The following CPNE4 variants were observed in gnomAD, a reference collection of about 807,000 sequenced individuals.
CPNE4 encodes the protein copine-4.
A neutral mutation model predicts 67.9 loss-of-function variants in CPNE4; 25 were observed. The observed-to-expected ratio is 0.37, with a 90% CI of 0.27 to 0.51. The LOEUF is 0.51. CPNE4 is among the 20% of genes least tolerant of loss of function. CPNE4 has a pLI of 0.93. For synonymous variants in CPNE4, 242 were observed against 244.9 expected (o/e 0.99, Z 0.11); for missense variants, 464 against 690.8 (o/e 0.67, Z 3.68).
intron 2 of CPNE4, among the ~76,000 whole-genome samples, chr3:131,774,407 C>A (rs1230334574): frequency 6.6e-6 from 1 of 151,848 alleles, no homozygotes; most frequent in African/African-American, 2.4e-5. Flanking sequence ...GTGCAGTGGC[C>A]ACCATCTTAC....
In CPNE4 at chr3:131,875,292, G is replaced by T. The variant is rs570276548; in HGVS notation, c.180+29972C>A. Reference sequence around the variant, plus strand: ...GCGATTCCTCAGGGATCTAGAACTAGAAATTCCATTTGACCCAGCCATCCC... The same window carrying T: ...GCGATTCCTCAGGGATCTAGAACTATAAATTCCATTTGACCCAGCCATCCC... On this transcript the variant is annotated intron_variant, in intron 2 of 15. Coordinates refer to ENST00000429747, the MANE Select transcript of CPNE4 (RefSeq NM_130808.3). Among the ~76,000 whole-genome samples the T allele has an allele frequency of 4.8e-3, 726 of 152,160 alleles. 5 individuals are homozygous for T. The highest frequency in any genetic ancestry group is 7.9e-3 in the Non-Finnish European group (539 of 68,000).
chr3:131,910,067 T>G (rs1466297769), intron 1 of CPNE4, among the ~76,000 whole-genome samples: 3 of 152,042 alleles, frequency 2.0e-5, no homozygotes, highest in African/African-American at 7.2e-5. Context: ...GAAAAAACAT[T>G]TGTGATCATA....
At chr3:131,974,162 A>G (rs748731) in intron 1 of CPNE4, among the ~76,000 whole-genome samples, 26,434 of 152,238 alleles carry the variant, frequency 0.17, 2,445 homozygotes, top group Admixed American at 0.24. Flanking sequence ...TGCTTTTGTC[A>G]GAACTTTCTG....
chr3:132,023,439 G>C (rs77864520), intron 1 of CPNE4, among the ~76,000 whole-genome samples: 17,169 of 143,760 alleles, frequency 0.12, 1,085 homozygotes, highest in African/African-American at 0.14. Context: ...AATAAATAAA[G>C]ATTTAAATAT....
At chr3:131,665,115 A>T (rs2080225128) in intron 7 of CPNE4, among the ~76,000 whole-genome samples, 1 of 152,170 alleles carries the variant, frequency 6.6e-6, no homozygotes, top group East Asian at 1.9e-4. Flanking sequence ...TAATCCCAGC[A>T]CTTTAGAAGG....
At chr3:131,661,839 T>C (rs1379058655) in intron 7 of CPNE4, among the ~76,000 whole-genome samples, 3 of 152,156 alleles carry the variant, frequency 2.0e-5, no homozygotes, top group Non-Finnish European at 4.4e-5. Flanking sequence ...CCAGGTTCTT[T>C]GTTGCAGGTG....
chr3:132,037,620 A>G, upstream of CPNE4: 1 of 1,535,930 alleles, frequency 6.5e-7, no homozygotes, highest in Non-Finnish European at 8.7e-7. Context: ...GGTCAAATTT[A>G]TCTAAAGCCA....
intron 9 of CPNE4, among the ~76,000 whole-genome samples, chr3:131,580,435 CATATACATATACATATACATAT>C (rs1559932320): frequency 7.6e-6 from 1 of 130,886 alleles, no homozygotes; most frequent in African/African-American, 3.5e-5. Flanking sequence ...TATACATATA[CATATACATATACATATACATAT>C]ACACATATAT....
intron 7 of CPNE4, among the ~76,000 whole-genome samples, chr3:131,615,644 C>G (rs1285903261): frequency 6.6e-6 from 1 of 151,986 alleles, no homozygotes; most frequent in Non-Finnish European, 1.5e-5. Context: ...TTTTATAGAT[C>G]ATAAGTTTTT....
At chr3:131,969,136 CAT>C (rs2072436383) in intron 1 of CPNE4, among the ~76,000 whole-genome samples, 1 of 151,916 alleles carries the variant, frequency 6.6e-6, no homozygotes, top group Non-Finnish European at 1.5e-5. Context: ...TGTTCTCACT[CAT>C]AAGTGGGAGT....
chr3:131,582,974 T>C (rs1438503930), intron 8 of CPNE4, among the ~76,000 whole-genome samples: 1 of 152,166 alleles, frequency 6.6e-6, no homozygotes, highest in African/African-American at 2.4e-5. Context: ...GGCTAATTTT[T>C]TCACTCAGCA....
At chr3:131,872,697 G>A (rs116825602) in intron 2 of CPNE4, among the ~76,000 whole-genome samples, 2,190 of 152,250 alleles carry the variant, frequency 0.014, 41 homozygotes, top group Non-Finnish European at 0.018. Context: ...CTTCTGTCTG[G>A]TTCTCTCTGT....
chr3:132,000,313 G>A (rs1484978525), intron 1 of CPNE4, among the ~76,000 whole-genome samples: 1 of 151,940 alleles, frequency 6.6e-6, no homozygotes, highest in Non-Finnish European at 1.5e-5. Context: ...AGTTCTCCCA[G>A]TCACAATGTG....
At chr3:131,877,818 A>G (rs1235449213) in intron 2 of CPNE4, among the ~76,000 whole-genome samples, 1 of 152,222 alleles carries the variant, frequency 6.6e-6, no homozygotes, top group Non-Finnish European at 1.5e-5. Flanking sequence ...TTTAAATGAA[A>G]CATTTATTAC....
At chr3:131,790,608 T>A (rs1409658515) in intron 2 of CPNE4, among the ~76,000 whole-genome samples, 1 of 152,200 alleles carries the variant, frequency 6.6e-6, no homozygotes, top group Non-Finnish European at 1.5e-5. Flanking sequence ...TGTGAATTCC[T>A]GCTTGTCTTC....
At chr3:131,763,534 C>A (rs941379070) in intron 2 of CPNE4, among the ~76,000 whole-genome samples, 1 of 152,044 alleles carries the variant, frequency 6.6e-6, no homozygotes, top group East Asian at 1.9e-4. Context: ...AGATGAAGTC[C>A]TAGGCTAGCT....
At chr3:131,630,781 C>T (rs1207509031) in intron 7 of CPNE4, among the ~76,000 whole-genome samples, 1 of 152,094 alleles carries the variant, frequency 6.6e-6, no homozygotes, top group African/African-American at 2.4e-5. Flanking sequence ...AACCTGATTT[C>T]CAAGACATAA....
intron 6 of CPNE4, among the ~76,000 whole-genome samples, chr3:131,673,033 G>A (rs562649305): frequency 1.3e-5 from 2 of 151,980 alleles, no homozygotes; most frequent in Admixed American, 6.6e-5. Flanking sequence ...AGAGATGGGG[G>A]TCTAGTTTCA....
At chr3:131,811,458 A>G (rs948281627) in intron 2 of CPNE4, among the ~76,000 whole-genome samples, 2 of 152,132 alleles carry the variant, frequency 1.3e-5, no homozygotes, top group Admixed American at 1.3e-4. Context: ...GAGCATGGTA[A>G]GAGAAATGAA....
Sources: allele counts gnomAD v4.1 joint callset (sites outside exome capture counted in the v4.1 genomes callset), GRCh38; gene constraint gnomAD v4.1.1; transcripts MANE v1.5; gene names NCBI Gene and HGNC (gene_info 2026-07-23, HGNC 2026-07-21).